COL18A1: variants seen among roughly 807,000 people sequenced by gnomAD.
COL18A1 encodes collagen alpha-1(XVIII) chain.
COL18A1 carries 133 observed loss-of-function variants against 168.0 expected under a neutral mutation model. The ratio of observed to expected loss-of-function variants is 0.79; its 90% CI spans 0.69 to 0.91. COL18A1 has a LOEUF of 0.91. COL18A1 is among the 40% of genes least tolerant of loss of function. The pLI is 0.00. For synonymous variants in COL18A1, 949 were observed against 809.0 expected, an observed-to-expected ratio of 1.17 and a Z score of -2.94; for missense variants, 2,126 against 1,925.4, an observed-to-expected ratio of 1.10 and a Z score of -1.95.
intron 2 of COL18A1, among the ~76,000 whole-genome samples, chr21:45,414,667 A>G (rs1354171728): frequency 6.6e-6 from 1 of 152,224 alleles, no homozygotes; most frequent in Non-Finnish European, 1.5e-5. Context: ...CCAGACCAGA[A>G]AACAGCCCTG....
chr21:45,456,262 C>T (rs780365285), intron 2 of COL18A1: 35 of 1,581,274 alleles, frequency 2.2e-5, no homozygotes, highest in East Asian at 2.1e-4. Flanking sequence ...TCTCGCCCGC[C>T]GCAGCCGCTC....
chr21:45,494,254 CTCCA>C, intron 26 of COL18A1: 3 of 494,336 alleles, frequency 6.1e-6, no homozygotes, highest in Non-Finnish European at 7.4e-6. Flanking sequence ...GCCCTCCACC[CTCCA>C]CCCTCCACCC....
In COL18A1 at chr21:45,497,667, C is replaced by A; in HGVS notation, c.2683+6C>A. 1 of 1,563,786 alleles carries A rather than the reference C, an allele frequency of 6.4e-7. No homozygotes were observed. The highest frequency in any genetic ancestry group is 1.9e-5 in the Admixed American group (1 of 52,790). On this transcript the variant is annotated splice_donor_region_variant and intron_variant, in intron 32 of 41. Coordinates refer to ENST00000651438, the MANE Select transcript of COL18A1 (RefSeq NM_001379500.1). Reference sequence around the variant, plus strand: ...GGGCCCCCCCGGACCACCAGGTGAGCAACTCTGGACATCCCAGGCAGGAGA... The same window carrying A: ...GGGCCCCCCCGGACCACCAGGTGAGAAACTCTGGACATCCCAGGCAGGAGA...
chr21:45,452,913 G>A (rs1403631006), intron 2 of COL18A1, among the ~76,000 whole-genome samples: 1 of 151,926 alleles, frequency 6.6e-6, no homozygotes, highest in African/African-American at 2.4e-5. Context: ...GTATGTACAT[G>A]TGTGTGAGTA....
chr21:45,467,213 C>G, intron 2 of COL18A1: 2 of 984,320 alleles, frequency 2.0e-6, no homozygotes, highest in Non-Finnish European at 2.4e-6. Context: ...GGGCAGGAAA[C>G]GAGGTGTGAG....
At chr21:45,491,415 C>G in intron 22 of COL18A1, 101 bp downstream of exon 22, 1 of 659,066 alleles carries the variant, frequency 1.5e-6, no homozygotes, top group Non-Finnish European at 2.7e-6. Flanking sequence ...TCCCCCAGGT[C>G]AGGACAGGCC....
intron 2 of COL18A1, chr21:45,455,731 G>C: frequency 1.2e-6 from 2 of 1,613,790 alleles, no homozygotes; most frequent in Non-Finnish European, 1.7e-6. Context: ...TGACCCCCCG[G>C]AATGGTTCCA....
At chr21:45,509,264 G>GC in intron 38 of COL18A1, 92 bp from the exon 39 acceptor site, 2 of 1,505,532 alleles carry the variant, frequency 1.3e-6, no homozygotes. Context: ...TCAGAGCCCA[G>GC]CCCCTCTCAC....
chr21:45,494,987 G>A, intron 28 of COL18A1, 72 bp downstream of exon 28: 3 of 1,359,594 alleles, frequency 2.2e-6, no homozygotes, highest in East Asian at 2.4e-5. Context: ...AGGCCCACGG[G>A]GGTGACATGC....
intron 2 of COL18A1, among the ~76,000 whole-genome samples, chr21:45,437,560 A>T (rs866539304): frequency 1.7e-4 from 9 of 53,402 alleles, no homozygotes; most frequent in African/African-American, 4.9e-4. Context: ...ACACACACAC[A>T]CAGACACAGG....
Position 45,504,188 on chromosome 21 carries a change from G to T in COL18A1, c.2727+134G>T, listed in dbSNP as rs1029417910. 252 of 1,069,680 alleles carry T rather than the reference G, an allele frequency of 2.4e-4. 1 individual carries two copies. Among genetic ancestry groups the T allele is most frequent in the Middle Eastern group, 8.5e-4 (3 of 3,518 alleles). 66.3% of individuals were successfully genotyped at this position (1,069,680 alleles called of 1,614,324 possible). Reference sequence around the variant, plus strand: ...CCCTGCGAGGGGCGCTGGCTCCAGAGGGTGTCGAGGGCGTCCCTCAGGATG... The same window carrying T: ...CCCTGCGAGGGGCGCTGGCTCCAGATGGTGTCGAGGGCGTCCCTCAGGATG... On this transcript the variant is annotated intron_variant, in intron 33 of 41. Transcript: ENST00000651438.
chr21:45,504,396 A>G lies in COL18A1; in HGVS notation c.2728-20A>G. The G allele has an allele frequency of 1.2e-6, 2 of 1,609,098 alleles. No individual in the cohort carries two copies. Among genetic ancestry groups the G allele is most frequent in the Non-Finnish European group, 1.7e-6 (2 of 1,177,896 alleles). On this transcript the variant is annotated intron_variant, in intron 33 of 41. Transcript: ENST00000651438. Reference sequence around the variant, plus strand: ...TGTAGGGGTTCAGGGCTCCCGTGTAACAAGTGTTTCCGTCCACAGGGGGAG... The same window carrying G: ...TGTAGGGGTTCAGGGCTCCCGTGTAGCAAGTGTTTCCGTCCACAGGGGGAG...
At chr21:45,406,276 A>G (rs974445162) in intron 2 of COL18A1, among the ~76,000 whole-genome samples, 1 of 152,098 alleles carries the variant, frequency 6.6e-6, no homozygotes, top group Non-Finnish European at 1.5e-5. Flanking sequence ...CGCGGGTGGA[A>G]TCCCACCCGG....
intron 2 of COL18A1, among the ~76,000 whole-genome samples, chr21:45,415,517 G>T (rs138494622): frequency 6.6e-6 from 1 of 152,198 alleles, no homozygotes; most frequent in Non-Finnish European, 1.5e-5. Flanking sequence ...CAGGGGCGGC[G>T]GAGCGGGGCT....
At chr21:45,407,182 G>A (rs531662766) in intron 2 of COL18A1, among the ~76,000 whole-genome samples, 34 of 152,360 alleles carry the variant, frequency 2.2e-4, no homozygotes, top group South Asian at 4.1e-4. Context: ...GAAAACAGTC[G>A]CCCCCTTTAG....
intron 2 of COL18A1, among the ~76,000 whole-genome samples, chr21:45,434,378 A>T (rs955332923): frequency 6.6e-6 from 1 of 152,052 alleles, no homozygotes; most frequent in Non-Finnish European, 1.5e-5. Flanking sequence ...TACCTTTCCC[A>T]TCTGACCCCC....
At chr21:45,483,603 G>A (rs1207999005) in intron 15 of COL18A1, among the ~76,000 whole-genome samples, 1 of 152,180 alleles carries the variant, frequency 6.6e-6, no homozygotes, top group African/African-American at 2.4e-5. Context: ...AGACGCCCCC[G>A]GAGGTGCCCT....
chr21:45,427,354 G>A (rs899017922), intron 2 of COL18A1, among the ~76,000 whole-genome samples: 1 of 152,146 alleles, frequency 6.6e-6, no homozygotes, highest in Non-Finnish European at 1.5e-5. Context: ...ATTGAATCAG[G>A]AGGCCAGATG....
rs2036604080 is a variant in COL18A1, at chr21:45,498,107, C to G, written c.2683+446C>G. 3 of 624,778 alleles carry G rather than the reference C, an allele frequency of 4.8e-6. No individual in the cohort carries two copies. The African/African-American group carries it at 5.5e-5, about 11-fold the overall frequency. The allele number at this position is 624,778 out of a possible 1,614,324, so 38.7% of individuals were successfully genotyped here. On this transcript the variant is annotated intron_variant, in intron 32 of 41. Coordinates refer to ENST00000651438, the MANE Select transcript of COL18A1 (RefSeq NM_001379500.1). The surrounding 1 kb of genome is among the most constrained non-coding windows in gnomAD (Gnocchi z 4.5). ...AGGGTGAGCCCAGCACCCCTGCTCC[C>G]CCAAAGGACAAGAATTCCCCCCTGA...
Sources: allele counts gnomAD v4.1 joint callset (sites outside exome capture counted in the v4.1 genomes callset), GRCh38; gene constraint gnomAD v4.1.1; non-coding constraint Gnocchi (gnomAD v3.1); transcripts MANE v1.5; gene names NCBI Gene and HGNC (gene_info 2026-07-23, HGNC 2026-07-21).